The following SLC25A20 variants were observed in gnomAD, a reference collection of about 807,000 sequenced individuals.
SLC25A20 encodes mitochondrial carnitine/acylcarnitine carrier protein.
In SLC25A20, 29 loss-of-function variants were observed where a neutral mutation model predicts 39.7. The observed-to-expected ratio is 0.73, with a 90% CI of 0.54 to 1.00. The LOEUF is 1.00. Ranked by LOEUF, SLC25A20 falls within the 50% of genes least tolerant of loss-of-function variation. SLC25A20 has a pLI of 0.00. For missense variants in SLC25A20, 333 were observed against 379.9 expected (o/e 0.88, Z 1.03); for synonymous variants, 103 against 142.2 (o/e 0.72, Z 1.96).
intron 4 of SLC25A20, among the ~76,000 whole-genome samples, chr3:48,872,698 A>G (rs2083725633): frequency 1.3e-5 from 2 of 151,848 alleles, no homozygotes; most frequent in Admixed American, 6.6e-5. Context: ...AAAAAAAAAA[A>G]AAAAAAGGTG....
chr3:48,870,307 A>T (rs2083703998), intron 4 of SLC25A20, among the ~76,000 whole-genome samples: 1 of 152,206 alleles, frequency 6.6e-6, no homozygotes, highest in Non-Finnish European at 1.5e-5. Flanking sequence ...AGGATGAGGC[A>T]GGAGAGTTGC....
chr3:48,859,965 G>A (rs1439794907), intron 5 of SLC25A20, among the ~76,000 whole-genome samples: 1 of 152,254 alleles, frequency 6.6e-6, no homozygotes, highest in East Asian at 1.9e-4. Flanking sequence ...CCAGGAATTC[G>A]AGACCAGTCT....
chr3:48,897,346 A>AATATATATATAT (rs34139351), intron 1 of SLC25A20, among the ~76,000 whole-genome samples: 2 of 121,338 alleles, frequency 1.6e-5, no homozygotes, highest in Non-Finnish European at 1.6e-5. Flanking sequence ...TGTGTGTGTG[A>AATATATATATAT]ATATATATAT....
intron 2 of SLC25A20, among the ~76,000 whole-genome samples, chr3:48,890,479 G>A (rs1283122571): frequency 2.0e-5 from 3 of 151,174 alleles, no homozygotes; most frequent in Non-Finnish European, 4.4e-5. Context: ...ATGAGCCACC[G>A]CGCCCGGCCT....
At chr3:48,875,890 C>T (rs951109077) in intron 4 of SLC25A20, among the ~76,000 whole-genome samples, 13 of 152,094 alleles carry the variant, frequency 8.5e-5, no homozygotes, top group Admixed American at 2.6e-4. Flanking sequence ...TGGTGATGCA[C>T]ACCTGTAGTC....
chr3:48,882,963 G>A (rs1211660198), intron 3 of SLC25A20, among the ~76,000 whole-genome samples: 7 of 151,576 alleles, frequency 4.6e-5, no homozygotes, highest in Non-Finnish European at 8.8e-5. Context: ...CAAAGGGGGC[G>A]GATCACGAGG....
chr3:48,895,966 C>A (rs1425208663), intron 1 of SLC25A20, among the ~76,000 whole-genome samples: 2 of 151,726 alleles, frequency 1.3e-5, no homozygotes, highest in African/African-American at 4.8e-5. Flanking sequence ...ATGGAGAAAC[C>A]CCATCTCTAC....
intron 2 of SLC25A20, among the ~76,000 whole-genome samples, chr3:48,887,304 G>T (rs2083836694): frequency 6.6e-6 from 1 of 152,142 alleles, no homozygotes; most frequent in African/African-American, 2.4e-5. Context: ...GGCAGCTCCA[G>T]AAAGCAGAAA....
chr3:48,862,599 A>G lies in SLC25A20; in HGVS notation c.478T>C (p.Tyr160His), dbSNP rs1553684902. 1 of 1,614,112 alleles carries G rather than the reference A, an allele frequency of 6.2e-7. No homozygotes were observed. The highest frequency in any genetic ancestry group is 8.5e-7 in the Non-Finnish European group (1 of 1,179,978). ...ATGCCTCGGATCCCAAACTCCTGGT[A>G]CAGCTTCTTTGCACAGTCCAAGGTA... Reference protein sequence around the residue: ...TGTLDCAKKLYQEFGIRGIYK... With the variant: ...TGTLDCAKKLHQEFGIRGIYK... Residue 160 changes from tyrosine (Y) to histidine (H), a missense_variant, in exon 5 of 9, where the codon TAC becomes CAC. Transcript: ENST00000319017.
chr3:48,865,565 A>G (rs2083660372), intron 4 of SLC25A20, among the ~76,000 whole-genome samples: 1 of 148,784 alleles, frequency 6.7e-6, no homozygotes, highest in African/African-American at 2.5e-5. Flanking sequence ...GTTCCAGACC[A>G]GCCTGGTCAA....
At chr3:48,871,851 A>G (rs2083717845) in intron 4 of SLC25A20, among the ~76,000 whole-genome samples, 1 of 151,172 alleles carries the variant, frequency 6.6e-6, no homozygotes, top group Non-Finnish European at 1.5e-5. Context: ...ACGGGGTCTC[A>G]CTCCGTCACC....
intron 2 of SLC25A20, among the ~76,000 whole-genome samples, chr3:48,888,495 G>A (rs781642517): frequency 2.0e-5 from 3 of 150,956 alleles, no homozygotes; most frequent in Non-Finnish European, 3.0e-5. Flanking sequence ...ACTTGAACCC[G>A]GGAGGCAGAG....
chr3:48,859,305 G>T, intron 6 of SLC25A20, 104 bp from the exon 7 acceptor site: 1 of 1,078,824 alleles, frequency 9.3e-7, no homozygotes, highest in Non-Finnish European at 1.4e-6. Context: ...GGCAGAAACT[G>T]GTTGGAGGGA....
intron 2 of SLC25A20, 121 bp from the exon 3 acceptor site, chr3:48,884,245 G>T: frequency 7.8e-7 from 1 of 1,279,800 alleles, no homozygotes; most frequent in Non-Finnish European, 1.1e-6. Flanking sequence ...GAAGCAAGGA[G>T]AACTTTAAAT....
intron 4 of SLC25A20, among the ~76,000 whole-genome samples, chr3:48,867,528 T>C (rs1053221185): frequency 6.6e-6 from 1 of 151,042 alleles, no homozygotes; most frequent in Admixed American, 6.7e-5. Context: ...GTCCTGGGAT[T>C]ACAGGCGTGA....
At chr3:48,865,499 C>T (rs1164548067) in intron 4 of SLC25A20, among the ~76,000 whole-genome samples, 1 of 150,848 alleles carries the variant, frequency 6.6e-6, no homozygotes, top group Non-Finnish European at 1.5e-5. Context: ...CGGTGACTTA[C>T]TCCTGTAATC....
chr3:48,861,055 C>T (rs1398458424), intron 5 of SLC25A20, among the ~76,000 whole-genome samples: 2 of 151,820 alleles, frequency 1.3e-5, no homozygotes, highest in African/African-American at 2.4e-5. Context: ...TCTTGAACTC[C>T]TGACCTCGTG....
At chr3:48,883,544 T>C (rs2083809314) in intron 3 of SLC25A20, among the ~76,000 whole-genome samples, 1 of 142,904 alleles carries the variant, frequency 7.0e-6, no homozygotes, top group Non-Finnish European at 1.5e-5. Flanking sequence ...AGAGCAAAAC[T>C]CTGTCTCAAA....
Position 48,879,368 on chromosome 3 carries a change from C to T in SLC25A20, c.407G>A (p.Cys136Tyr). Reference sequence around the variant, plus strand: ...CAATCACAACCTTACCTGTAATAAGCACTTGATCCGTTCTCCAGGAGTCAT... The same window carrying T: ...CAATCACAACCTTACCTGTAATAAGTACTTGATCCGTTCTCCAGGAGTCAT... ...GIMTPGERIK[C>Y]LLQIQASSGE... is the part of the protein sequence containing the mutation. Residue 136 changes from cysteine to tyrosine, a missense_variant, in exon 4 of 9, where the codon TGC (cysteine) becomes TAC (tyrosine). Cys to Tyr is a radical substitution (Grantham distance 194). Transcript: ENST00000319017. The T allele has an allele frequency of 6.2e-7, 1 of 1,610,840 alleles. No individual in the cohort carries two copies. The highest frequency in any genetic ancestry group is 8.5e-7 in the Non-Finnish European group (1 of 1,177,028).
Sources: allele counts gnomAD v4.1 joint callset (sites outside exome capture counted in the v4.1 genomes callset), GRCh38; gene constraint gnomAD v4.1.1; transcripts MANE v1.5; gene names NCBI Gene and HGNC (gene_info 2026-07-23, HGNC 2026-07-21).